Variants in SNTG2 observed in about 807,000 individuals in gnomAD.
SNTG2 encodes the protein syntrophin gamma 2, also known as gamma-2-syntrophin.
A neutral mutation model predicts 70.9 loss-of-function variants in SNTG2; 74 were observed. The ratio of observed to expected loss-of-function variants is 1.04; its 90% CI spans 0.86 to 1.27. The LOEUF (loss-of-function observed/expected upper bound fraction) is 1.27. Among genes scored for constraint, SNTG2 ranks in the 50% most tolerant of loss-of-function variants. The probability of loss-of-function intolerance (pLI) is 0.00; values close to 1 mark genes in which losing one functional copy is unlikely to be tolerated. For missense variants in SNTG2, 717 were observed against 690.7 expected, an observed-to-expected ratio of 1.04 and a Z score of -0.43; for synonymous variants, 278 against 273.8, an observed-to-expected ratio of 1.02 and a Z score of -0.15.
intron 16 of SNTG2, among the ~76,000 whole-genome samples, chr2:1,338,072 CTCTT>C (rs1311852130): frequency 6.6e-6 from 1 of 152,176 alleles, no homozygotes; most frequent in African/African-American, 2.4e-5. Flanking sequence ...CTGTATGTCT[CTCTT>C]TATACCAGTA....
At chr2:1,172,302 C>T (rs1671178336) in intron 7 of SNTG2, among the ~76,000 whole-genome samples, 2 of 152,222 alleles carry the variant, frequency 1.3e-5, no homozygotes, top group Non-Finnish European at 2.9e-5. Flanking sequence ...TTCCACCTGG[C>T]TGGGAATCTG....
intron 8 of SNTG2, among the ~76,000 whole-genome samples, chr2:1,187,469 C>T (rs1672319036): frequency 6.6e-6 from 1 of 152,162 alleles, no homozygotes; most frequent in Admixed American, 6.5e-5. Context: ...GCAGCCACTT[C>T]CTGGGGCTCC....
intron 9 of SNTG2, among the ~76,000 whole-genome samples, chr2:1,223,297 T>G (rs1470865585): frequency 2.0e-5 from 3 of 149,222 alleles, no homozygotes; most frequent in Non-Finnish European, 4.5e-5. Flanking sequence ...TCCTGCCTGC[T>G]GCTGGAGGTG....
chr2:1,306,879 A>G (rs1680701707), intron 14 of SNTG2, among the ~76,000 whole-genome samples: 1 of 150,720 alleles, frequency 6.6e-6, no homozygotes, highest in Non-Finnish European at 1.5e-5. Context: ...TGTGTGTCAG[A>G]GAGCTGTGCG....
intron 16 of SNTG2, among the ~76,000 whole-genome samples, chr2:1,332,016 C>T (rs1470668463): frequency 6.6e-6 from 1 of 152,160 alleles, no homozygotes; most frequent in African/African-American, 2.4e-5. Context: ...CTGCCTCTTC[C>T]CTCCAGCTGT....
chr2:1,115,827 C>G (rs1010273861), intron 4 of SNTG2, among the ~76,000 whole-genome samples: 1 of 152,226 alleles, frequency 6.6e-6, no homozygotes, highest in Non-Finnish European at 1.5e-5. Flanking sequence ...TGTGCAGGGA[C>G]AGTCACTGAA....
chr2:1,079,922 C>T lies in SNTG2; in HGVS notation c.73-3596C>T, dbSNP rs539101801. ...ACGAGAGCAGAGCAAGCCCTTCCTC[C>T]GAAGGCGGCTGCACTACCTGAGCTT... On this transcript the variant is annotated intron_variant, in intron 1 of 16. Coordinates refer to ENST00000308624, the MANE Select transcript of SNTG2 (RefSeq NM_018968.4). Among the ~76,000 whole-genome samples, 7 of 152,344 alleles carry T rather than the reference C, an allele frequency of 4.6e-5. No homozygotes were observed. In the East Asian group the frequency reaches 9.6e-4, roughly 21 times the overall value.
intron 8 of SNTG2, among the ~76,000 whole-genome samples, chr2:1,194,257 C>G (rs577323457): frequency 6.6e-6 from 1 of 152,150 alleles, no homozygotes. Context: ...GGGGGAGAAG[C>G]GCTGGGGATG....
At chr2:1,173,458 T>A (rs1005058498) in intron 8 of SNTG2, among the ~76,000 whole-genome samples, 1 of 152,252 alleles carries the variant, frequency 6.6e-6, no homozygotes, top group Non-Finnish European at 1.5e-5. Flanking sequence ...GCCTCTGACT[T>A]ACATATCACC....
intron 1 of SNTG2, among the ~76,000 whole-genome samples, chr2:999,413 G>T (rs1661794298): frequency 6.6e-6 from 1 of 152,130 alleles, no homozygotes; most frequent in East Asian, 1.9e-4. Context: ...CACCTGAGTG[G>T]TAAGACATTA....
In SNTG2 at chr2:1,237,931, G is replaced by A; in HGVS notation, c.763G>A (p.Gly255Arg). ...GCTCGCCCTGGACGGAGTCAGCTCT[G>A]GGATCCTCCGGTTTTACACAGCCCA... ...EVLALDGVSS[G>R]ILRFYTAQDG... Residue 255 changes from glycine to arginine, a missense_variant, in exon 10 of 17, where the codon GGG becomes AGG. Transcript: ENST00000308624. 6.2e-7 allele frequency: 1 copy of A among 1,607,210 alleles called. No individual in the cohort carries two copies. Among genetic ancestry groups the A allele is most frequent in the Non-Finnish European group, 8.5e-7 (1 of 1,177,186 alleles).
chr2:1,145,746 A>G (rs1422409872), intron 6 of SNTG2, among the ~76,000 whole-genome samples: 1 of 152,234 alleles, frequency 6.6e-6, no homozygotes, highest in African/African-American at 2.4e-5. Context: ...TGAAGACATT[A>G]TGAGAAAAGA....
rs561107980 is a variant in SNTG2, at chr2:1,023,709, A to G, written c.73-59809A>G. Among the ~76,000 whole-genome samples the G allele has an allele frequency of 2.0e-5, 3 of 152,298 alleles. No individual in the cohort carries two copies. In the South Asian group the frequency reaches 6.2e-4, roughly 32 times the overall value. On this transcript the variant is annotated intron_variant, in intron 1 of 16. Coordinates refer to ENST00000308624, the MANE Select transcript of SNTG2 (RefSeq NM_018968.4). The stretch of plus-strand genomic sequence containing the variant: ...GCTCCGTCACTGTGCCACTGTCAGC[A>G]CATCTGCACCCCGCGTAGTCTGGGG...
chr2:1,255,794 A>G (rs1173617682), intron 12 of SNTG2, among the ~76,000 whole-genome samples: 28 of 33,888 alleles, frequency 8.3e-4, no homozygotes, highest in African/African-American at 1.4e-3. Context: ...GTGTGTGTGT[A>G]TATATATATA....
At chr2:1,225,211 G>A (rs1272514752) in intron 9 of SNTG2, among the ~76,000 whole-genome samples, 1 of 152,128 alleles carries the variant, frequency 6.6e-6, no homozygotes, top group Non-Finnish European at 1.5e-5. Flanking sequence ...TTCTTCATAG[G>A]ATGATTGTGA....
intron 9 of SNTG2, among the ~76,000 whole-genome samples, chr2:1,224,016 C>G (rs1675576361): frequency 2.0e-5 from 3 of 152,194 alleles, no homozygotes; most frequent in South Asian, 2.1e-4. Flanking sequence ...GGTGGTCAGT[C>G]TGGTGAGGGC....
At chr2:1,134,114 C>T (rs903624052) in intron 4 of SNTG2, among the ~76,000 whole-genome samples, 5 of 151,998 alleles carry the variant, frequency 3.3e-5, no homozygotes, top group South Asian at 2.1e-4. Flanking sequence ...TTTGTGGTCT[C>T]GCTGGCTTCA....
intron 9 of SNTG2, chr2:1,210,577 A>G (rs972442533): frequency 3.3e-5 from 5 of 152,280 alleles, no homozygotes; most frequent in East Asian, 3.9e-4. Flanking sequence ...TGCACTGCCA[A>G]TCATATAAAA....
intron 6 of SNTG2, among the ~76,000 whole-genome samples, chr2:1,149,862 G>C (rs997903820): frequency 2.0e-5 from 3 of 147,574 alleles, no homozygotes; most frequent in African/African-American, 7.3e-5. Context: ...TAATTTTTTT[G>C]TATTTTTAGT....
Sources: gnomAD v4.1 joint callset for allele counts (sites outside exome capture counted in the v4.1 genomes callset) on GRCh38, gnomAD v4.1.1 for gene constraint, MANE v1.5 for transcripts, NCBI Gene and HGNC (gene_info 2026-07-23, HGNC 2026-07-21) for gene names.